UNC13C: variants seen among roughly 807,000 people sequenced by gnomAD.
The protein encoded by UNC13C is unc-13 homolog C.
UNC13C carries 174 observed loss-of-function variants against 245.4 expected under a neutral mutation model. The ratio of observed to expected loss-of-function variants is 0.71; its 90% confidence interval spans 0.63 to 0.80. The LOEUF is 0.80. Ranked by LOEUF, UNC13C falls within the 30% of genes least tolerant of loss-of-function variation. UNC13C has a pLI of 0.00. For synonymous variants in UNC13C, 992 were observed against 895.1 expected, an observed-to-expected ratio of 1.11 and a Z score of -1.93; for missense variants, 2,829 against 2,602.9, an observed-to-expected ratio of 1.09 and a Z score of -1.89.
chr15:54,465,544 T>C (rs961486433), intron 19 of UNC13C, among the ~76,000 whole-genome samples: 1 of 152,036 alleles, frequency 6.6e-6, no homozygotes, highest in South Asian at 2.1e-4. Context: ...TAATAACTTA[T>C]TGAATTATGA....
chr15:54,534,588 A>G (rs956124593), intron 26 of UNC13C, among the ~76,000 whole-genome samples: 1 of 152,208 alleles, frequency 6.6e-6, no homozygotes, highest in Admixed American at 6.6e-5. Flanking sequence ...AACCAGGCAG[A>G]TGTGGCTGAA....
intron 13 of UNC13C, among the ~76,000 whole-genome samples, chr15:54,301,097 T>C (rs1014034289): frequency 2.6e-5 from 4 of 152,110 alleles, no homozygotes; most frequent in African/African-American, 9.7e-5. Context: ...GGTCTAATTT[T>C]ATAAGTGCAT....
Position 54,143,792 on chromosome 15 carries a change from A to G in UNC13C, c.3071+108A>G, listed in dbSNP as rs1449969229. On this transcript the variant is annotated intron_variant, in intron 4 of 32. Transcript: ENST00000260323. ...AGATGCTGCATGATTAGCTAGCCTCATTGTTACTTCATTTTACAATAAAGT... is the reference window on the plus strand; with the variant it reads ...AGATGCTGCATGATTAGCTAGCCTCGTTGTTACTTCATTTTACAATAAAGT... 8 of 697,402 alleles carry G rather than the reference A, an allele frequency of 1.1e-5. No individual in the cohort carries two copies. In the Admixed American group the frequency reaches 2.3e-4, roughly 20 times the overall value. 43.2% of individuals were successfully genotyped at this position (697,402 alleles called of 1,614,324 possible). A position where few individuals can be genotyped will look rare whatever the true frequency, so the allele number is the denominator to read the frequency against.
the UNC13C span, among the ~76,000 whole-genome samples, chr15:53,941,435 A>G: frequency 6.6e-6 from 1 of 152,192 alleles, no homozygotes; most frequent in East Asian, 1.9e-4. Flanking sequence ...CCAAAGAAAA[A>G]ATTGACAAAT....
At chr15:54,058,591 A>G (rs1897652043) in intron 2 of UNC13C, among the ~76,000 whole-genome samples, 1 of 152,188 alleles carries the variant, frequency 6.6e-6, no homozygotes, top group African/African-American at 2.4e-5. Context: ...AAAAGAGGGA[A>G]TCCTCCCTAA....
chr15:54,437,076 T>C (rs1043692591), intron 19 of UNC13C, among the ~76,000 whole-genome samples: 6 of 151,960 alleles, frequency 3.9e-5, no homozygotes, highest in African/African-American at 1.4e-4. Context: ...TATGTGCATA[T>C]GCATTCACCG....
rs1268500279 is a variant in UNC13C, at chr15:54,286,756, C to T, written c.3819-7139C>T. Among the ~76,000 whole-genome samples the T allele has an allele frequency of 2.6e-5, 4 of 152,108 alleles. No homozygotes were observed. The East Asian group carries it at 5.8e-4, about 22-fold the overall frequency. On this transcript the variant is annotated intron_variant, in intron 10 of 32. Transcript: ENST00000260323. ...GGAAATTGGCCAAATAAGTGATTGG[C>T]TCTGCAGAGCACAGCACCTGTAAAT...
At chr15:54,553,087 TACA>T (rs1896911453) in intron 28 of UNC13C, among the ~76,000 whole-genome samples, 1 of 97,812 alleles carries the variant, frequency 1.0e-5, no homozygotes, top group Non-Finnish European at 1.8e-5. Flanking sequence ...TATTCTATAT[TACA>T]ATATATAATA....
chr15:54,449,604 G>A (rs962737517), intron 19 of UNC13C, among the ~76,000 whole-genome samples: 2 of 152,074 alleles, frequency 1.3e-5, no homozygotes, highest in Non-Finnish European at 2.9e-5. Flanking sequence ...CATAGTTCTC[G>A]AGCCATGGTT....
chr15:53,997,297 G>A (rs866393826), intron 1 of UNC13C, among the ~76,000 whole-genome samples: 1 of 152,098 alleles, frequency 6.6e-6, no homozygotes, highest in Non-Finnish European at 1.5e-5. Flanking sequence ...TGGTGTGTGT[G>A]CATGCATGTG....
At chr15:54,289,917 G>A (rs1317159512) in intron 10 of UNC13C, among the ~76,000 whole-genome samples, 1 of 152,074 alleles carries the variant, frequency 6.6e-6, no homozygotes, top group Non-Finnish European at 1.5e-5. Flanking sequence ...AAGGAATCCA[G>A]GAGTGTGAGT....
downstream of UNC13C, chr15:54,633,131 C>A (rs768642428): frequency 1.3e-5 from 2 of 152,120 alleles, no homozygotes; most frequent in African/African-American, 2.4e-5. Flanking sequence ...CGCCATTGCA[C>A]TCCAACCTGG....
chr15:54,575,644 C>T (rs1771066068), intron 30 of UNC13C, among the ~76,000 whole-genome samples: 1 of 151,868 alleles, frequency 6.6e-6, no homozygotes, highest in African/African-American at 2.4e-5. Context: ...GGAAAAAATG[C>T]TGAGAAATGT....
chr15:54,180,286 T>G (rs2033754634), intron 4 of UNC13C, among the ~76,000 whole-genome samples: 1 of 152,046 alleles, frequency 6.6e-6, no homozygotes, highest in Non-Finnish European at 1.5e-5. Flanking sequence ...CTATTTTGCT[T>G]AGGATAATGG....
chr15:54,402,172 T>C (rs2040201421), intron 18 of UNC13C, among the ~76,000 whole-genome samples: 1 of 151,802 alleles, frequency 6.6e-6, no homozygotes, highest in African/African-American at 2.4e-5. Context: ...GTGGGCAGAA[T>C]AGGTAGCGAA....
intron 13 of UNC13C, chr15:54,321,639 C>A (rs1252031109): frequency 2.2e-5 from 8 of 359,424 alleles, no homozygotes; most frequent in Non-Finnish European, 2.5e-5. Context: ...TGCAGCTGTT[C>A]AGGCTCTTTC....
chr15:54,442,604 TGTTGA>T (rs1458455281), intron 19 of UNC13C, among the ~76,000 whole-genome samples: 2 of 152,140 alleles, frequency 1.3e-5, no homozygotes, highest in African/African-American at 4.8e-5. Flanking sequence ...GTCCTTATTA[TGTTGA>T]GTTATGTTCC....
At chr15:53,930,129 G>A in the UNC13C span, among the ~76,000 whole-genome samples, 3 of 152,160 alleles carry the variant, frequency 2.0e-5, no homozygotes, top group Non-Finnish European at 4.4e-5. Context: ...GGGCCTTGAA[G>A]CTGACTGTCA....
chr15:53,945,283 A>G, the UNC13C span, among the ~76,000 whole-genome samples: 2 of 152,178 alleles, frequency 1.3e-5, no homozygotes, highest in African/African-American at 4.8e-5. Context: ...TTTTGTTGCA[A>G]TTGCATTTAG....
Sources: gnomAD v4.1 joint callset for allele counts (sites outside exome capture counted in the v4.1 genomes callset) on GRCh38, gnomAD v4.1.1 for gene constraint, MANE v1.5 for transcripts, NCBI Gene and HGNC (gene_info 2026-07-23, HGNC 2026-07-21) for gene names.